ANKRD13C: variants seen among roughly 807,000 people sequenced by gnomAD.
ANKRD13C encodes ankyrin repeat domain-containing protein 13C.
A neutral mutation model predicts 65.5 loss-of-function variants in ANKRD13C; 16 were observed. The ratio of observed to expected loss-of-function variants is 0.24; its 90% CI spans 0.17 to 0.37. The LOEUF is 0.37. ANKRD13C is among the 10% of genes least tolerant of loss of function. The pLI is 1.00. For synonymous variants in ANKRD13C, 235 were observed against 238.7 expected (o/e 0.98, Z 0.14); for missense variants, 503 against 655.9 (o/e 0.77, Z 2.55).
In ANKRD13C at chr1:70,270,895, C is replaced by T. The variant is rs1449411575; in HGVS notation, c.1456G>A (p.Val486Ile). 1 of 1,613,104 alleles carries T rather than the reference C, an allele frequency of 6.2e-7. No homozygotes were observed. The highest frequency in any genetic ancestry group is 8.5e-7 in the Non-Finnish European group (1 of 1,179,590). Residue 486 changes from valine to isoleucine, a missense_variant, in exon 12 of 13, where the codon GTT becomes ATT. This residue lies in a region of ANKRD13C where 300 missense variants were observed against 478.3 expected (regional missense o/e 0.63). Coordinates refer to ENST00000370944, the MANE Select transcript of ANKRD13C (RefSeq NM_030816.5). ...FKHFNKLREF[V>I]QMKLPPGFPV... The stretch of plus-strand genomic sequence containing the variant: ...AAGCCTGGAGGAAGCTTCATCTGAA[C>T]AAATTCTCTAAGCTTGTTAAAGTGC...
At chr1:70,353,149 T>A (rs1201275210) in intron 1 of ANKRD13C, among the ~76,000 whole-genome samples, 1 of 152,220 alleles carries the variant, frequency 6.6e-6, no homozygotes, top group Non-Finnish European at 1.5e-5. Flanking sequence ...ATGTCAGTGT[T>A]CACATTAGTC....
At chr1:70,271,396 T>G (rs572652591) in intron 11 of ANKRD13C, among the ~76,000 whole-genome samples, 6 of 152,338 alleles carry the variant, frequency 3.9e-5, no homozygotes, top group Admixed American at 3.9e-4. Context: ...TCATAATATC[T>G]CTTAGCATTC....
In ANKRD13C at chr1:70,274,751, T is replaced by C. The variant is rs778760739; in HGVS notation, c.1363A>G (p.Met455Val). Residue 455 changes from methionine to valine, a missense_variant, in exon 11 of 13, where the codon ATG becomes GTG. Physicochemically the swap from Met to Val is conservative, Grantham distance 21. This residue lies in a region of ANKRD13C where 300 missense variants were observed against 478.3 expected (regional missense o/e 0.63). Transcript: ENST00000370944. ...ATCCCTAAGGGAAATTCCTGGCTCA[T>C]GGCTATCGTAGCTTTAAACGTTTTC... Reference protein sequence around the residue: ...SKKTFKATIAMSQEFPLGIEL... With the variant: ...SKKTFKATIAVSQEFPLGIEL... 7 of 1,613,696 alleles carry C rather than the reference T, an allele frequency of 4.3e-6. No homozygotes were observed. In the African/African-American group the frequency reaches 5.3e-5, roughly 12 times the overall value.
chr1:70,285,630 C>CTT (rs528594825), intron 9 of ANKRD13C, among the ~76,000 whole-genome samples: 2,176 of 133,528 alleles, frequency 0.016, 91 homozygotes, highest in African/African-American at 0.058. Context: ...GAGTTAAACA[C>CTT]TTTTTTTTTT....
At chr1:70,283,797 G>C (rs932060181) in intron 9 of ANKRD13C, among the ~76,000 whole-genome samples, 2 of 151,944 alleles carry the variant, frequency 1.3e-5, no homozygotes, top group African/African-American at 4.8e-5. Flanking sequence ...AACAGAGCAA[G>C]AGCGAGACTC....
chr1:70,348,631 C>T (rs1357177824), intron 1 of ANKRD13C, among the ~76,000 whole-genome samples: 1 of 152,176 alleles, frequency 6.6e-6, no homozygotes, highest in African/African-American at 2.4e-5. Context: ...AGAAATCTGC[C>T]AGCCATGAGG....
In ANKRD13C at chr1:70,300,870, C is replaced by T; in HGVS notation, c.815G>A (p.Cys272Tyr). 1 of 1,613,582 alleles carries T rather than the reference C, an allele frequency of 6.2e-7. No individual in the cohort carries two copies. ...AATGAAGCTTAGATCCCCTCGTTGGCACTTCATGTCAGTAAAGTCTATGAG... is the reference window on the plus strand; with the variant it reads ...AATGAAGCTTAGATCCCCTCGTTGGTACTTCATGTCAGTAAAGTCTATGAG... ...TTLIDFTDMK[C>Y]QRGDLSFIFN... The change falls in exon 7 of 13, where the codon TGC (cysteine) becomes TAC (tyrosine). Residue 272 changes from cysteine to tyrosine, a missense_variant. Transcript: ENST00000370944.
intron 1 of ANKRD13C, among the ~76,000 whole-genome samples, chr1:70,349,589 T>A (rs1340573029): frequency 6.6e-6 from 1 of 152,160 alleles, no homozygotes; most frequent in East Asian, 1.9e-4. Context: ...GTCAGTAACT[T>A]GCAAATGCAC....
intron 12 of ANKRD13C, 113 bp from the exon 13 acceptor site, chr1:70,262,960 A>G: frequency 1.2e-6 from 1 of 835,382 alleles, no homozygotes; most frequent in Non-Finnish European, 1.7e-6. Context: ...AAAAAAAAAA[A>G]TACTCAAGAA....
At chr1:70,322,115 G>A (rs1572133317) in intron 3 of ANKRD13C, among the ~76,000 whole-genome samples, 2 of 152,150 alleles carry the variant, frequency 1.3e-5, no homozygotes, top group East Asian at 3.9e-4. Context: ...AGGAATTCGA[G>A]ACCAGCCTGG....
chr1:70,350,968 C>T (rs922493406), intron 1 of ANKRD13C, among the ~76,000 whole-genome samples: 1 of 152,108 alleles, frequency 6.6e-6, no homozygotes, highest in African/African-American at 2.4e-5. Context: ...TGAGATAGGC[C>T]TGGACAACAC....
rs201496146 is a variant in ANKRD13C at position 70,311,512 on chromosome 1, A to G, written c.709+2233T>C. ...AATAAATGTCAACTTGCATAATGATATAACAGTATGATTCCATGGGAGAAA... is the reference window on the plus strand; with the variant it reads ...AATAAATGTCAACTTGCATAATGATGTAACAGTATGATTCCATGGGAGAAA... On this transcript the variant is annotated intron_variant, in intron 5 of 12. Transcript: ENST00000370944. Among the ~76,000 whole-genome samples, 17 of 152,256 alleles carry G rather than the reference A, an allele frequency of 1.1e-4. No homozygotes were observed. The East Asian group carries it at 2.7e-3, about 24-fold the overall frequency.
intron 1 of ANKRD13C, among the ~76,000 whole-genome samples, chr1:70,338,294 A>T (rs1682146114): frequency 6.6e-6 from 1 of 152,174 alleles, no homozygotes; most frequent in African/African-American, 2.4e-5. Context: ...AAAGTTAGAG[A>T]CACTCAAGTG....
At chr1:70,313,004 G>A (rs1680914109) in intron 5 of ANKRD13C, among the ~76,000 whole-genome samples, 4 of 152,144 alleles carry the variant, frequency 2.6e-5, no homozygotes, top group African/African-American at 7.2e-5. Context: ...AAGTATGCAA[G>A]AGGCAAAATA....
intron 9 of ANKRD13C, among the ~76,000 whole-genome samples, chr1:70,290,456 T>C (rs1042565003): frequency 6.6e-6 from 1 of 152,180 alleles, no homozygotes; most frequent in African/African-American, 2.4e-5. Flanking sequence ...TATGCATGTT[T>C]ATACAACACA....
Position 70,354,025 on chromosome 1 carries a change from G to A in ANKRD13C, c.384C>T (p.Leu128=). Residue 128 remains leucine, a synonymous_variant, in exon 1 of 13, where the codon CTC becomes CTT. Transcript: ENST00000370944. ...ECVFKGDVRR[L]SSLIRTHNIG... ...TATTGTGCGTGCGGATGAGAGAGGA[G>A]AGTCTCCTCACATCCCCCTTGAAGA... is the stretch of plus-strand genomic sequence containing the variant. 6.4e-7 allele frequency: 1 copy of A among 1,564,766 alleles called. No homozygotes were observed. The highest frequency in any genetic ancestry group is 1.7e-4 in the Middle Eastern group (1 of 5,802).
intron 9 of ANKRD13C, among the ~76,000 whole-genome samples, chr1:70,291,742 A>C (rs1331680177): frequency 6.6e-6 from 1 of 151,974 alleles, no homozygotes; most frequent in Non-Finnish European, 1.5e-5. Flanking sequence ...GGGAGGCGGA[A>C]GTTGCAGTGA....
At position 70,347,257 on chromosome 1, in the gene ANKRD13C, A is replaced by C. The variant is rs534113413; in HGVS notation, c.430+6722T>G. Among the ~76,000 whole-genome samples the C allele has an allele frequency of 3.0e-4, 45 of 152,140 alleles. 1 individual carries two copies. Among genetic ancestry groups the C allele is most frequent in the Admixed American group, 2.8e-3 (43 of 15,272 alleles). ...CTGATCACCCAGCTCTCCCTCAAGA[A>C]AATAAATGGTGTAGGAACAGAACCA... On this transcript the variant is annotated intron_variant, in intron 1 of 12. Transcript: ENST00000370944.
intron 5 of ANKRD13C, among the ~76,000 whole-genome samples, chr1:70,310,892 C>CTA (rs1312758201): frequency 2.0e-5 from 3 of 152,098 alleles, no homozygotes; most frequent in Admixed American, 2.0e-4. Context: ...CACAAGGCTA[C>CTA]TATAAACCTG....
Sources: allele counts gnomAD v4.1 joint callset (sites outside exome capture counted in the v4.1 genomes callset), GRCh38; gene constraint gnomAD v4.1.1; regional missense constraint gnomAD v4.1.1; transcripts MANE v1.5; gene names NCBI Gene and HGNC (gene_info 2026-07-23, HGNC 2026-07-21).